FRK: variants seen among roughly 807,000 people sequenced by gnomAD.
The protein encoded by FRK is fyn related Src family tyrosine kinase, also known as tyrosine-protein kinase FRK.
Under a neutral mutation model 56.4 loss-of-function variants are expected in FRK, and 51 were observed. The observed-to-expected ratio is 0.90, with a 90% CI of 0.72 to 1.14. The LOEUF (loss-of-function observed/expected upper bound fraction) is 1.14. Ranked by LOEUF, FRK falls within the 50% of genes most tolerant of loss-of-function variation. The probability of loss-of-function intolerance (pLI) is 0.00; values close to 1 mark genes in which losing one functional copy is unlikely to be tolerated. For synonymous variants in FRK, 245 were observed against 217.9 expected (o/e 1.12, Z -1.10); for missense variants, 570 against 601.4 (o/e 0.95, Z 0.55).
rs201232750 is a variant in FRK at position 115,944,458 on chromosome 6, T to C, written c.959-33A>G. 60 of 1,522,844 alleles carry C rather than the reference T, an allele frequency of 3.9e-5. No homozygotes were observed. In the East Asian group the frequency reaches 8.8e-4, roughly 22 times the overall value. 94.3% of individuals were successfully genotyped at this position (1,522,844 alleles called of 1,614,324 possible). A position where few individuals can be genotyped will look rare whatever the true frequency, so the allele number is the denominator to read the frequency against. Reference sequence around the variant, plus strand: ...ATAAGAGAAAAGTAAGAAAGTTACCTTAGAGAACATTTGAACTATGAAAGT... The same window carrying C: ...ATAAGAGAAAAGTAAGAAAGTTACCCTAGAGAACATTTGAACTATGAAAGT... On this transcript the variant is annotated intron_variant, in intron 5 of 7. Transcript: ENST00000606080.
chr6:116,063,611 CAGG>C (rs1459318557), upstream of FRK, among the ~76,000 whole-genome samples: 11 of 151,976 alleles, frequency 7.2e-5, no homozygotes, highest in Admixed American at 5.9e-4. Flanking sequence ...TTCAGTTAGA[CAGG>C]AGGAATAAAT....
rs1772046928 is a variant in FRK, at chr6:115,936,472, G to A, written c.*5942C>T. On this transcript the variant is annotated 3_prime_UTR_variant, in exon 8 of 8. Coordinates refer to ENST00000606080, the MANE Select transcript of FRK (RefSeq NM_002031.3). ...AAGGGAATAAAACTGGATGGAGAAT[G>A]AGTTTGACGGATGGATAGAAGTAGG... 6.6e-6 allele frequency: 1 copy of A among 152,196 alleles called. No individual in the cohort carries two copies. The highest frequency in any genetic ancestry group is 6.5e-5 in the Admixed American group (1 of 15,274). 9.4% of individuals were successfully genotyped at this position (152,196 alleles called of 1,614,324 possible).
intron 2 of FRK, among the ~76,000 whole-genome samples, chr6:115,974,616 C>T (rs9374587): frequency 0.26 from 39,464 of 151,942 alleles, 6,249 homozygotes; most frequent in East Asian, 0.62. Flanking sequence ...AAAGAGTAGG[C>T]TTTTTAAAAA....
intron 1 of FRK, among the ~76,000 whole-genome samples, chr6:116,052,531 C>T (rs1327888378): frequency 6.6e-6 from 1 of 152,040 alleles, no homozygotes; most frequent in African/African-American, 2.4e-5. Flanking sequence ...CTACCCACAT[C>T]CATAGTTTAC....
chr6:115,969,450 G>A (rs1773718313), intron 2 of FRK, among the ~76,000 whole-genome samples: 1 of 152,104 alleles, frequency 6.6e-6, no homozygotes, highest in African/African-American at 2.4e-5. Context: ...GGCTTGCAGT[G>A]GCTATTTTGT....
the FRK span, among the ~76,000 whole-genome samples, chr6:116,066,767 A>G: frequency 1.3e-5 from 2 of 151,950 alleles, no homozygotes; most frequent in African/African-American, 4.8e-5. Flanking sequence ...ATTCTTTCTC[A>G]CTATTCTTCT....
At chr6:115,980,088 C>G (rs1052353059) in intron 2 of FRK, among the ~76,000 whole-genome samples, 1 of 151,978 alleles carries the variant, frequency 6.6e-6, no homozygotes, top group Non-Finnish European at 1.5e-5. Context: ...ATAGTAAATA[C>G]ACTAATATAT....
At chr6:116,028,495 T>C (rs1193988719) in intron 1 of FRK, among the ~76,000 whole-genome samples, 1 of 152,152 alleles carries the variant, frequency 6.6e-6, no homozygotes, top group Non-Finnish European at 1.5e-5. Context: ...AGGTTACAAG[T>C]CTGAGGCCAA....
At chr6:116,081,939 A>G in the FRK span, among the ~76,000 whole-genome samples, 1 of 152,196 alleles carries the variant, frequency 6.6e-6, no homozygotes, top group Non-Finnish European at 1.5e-5. Context: ...AACAATAATC[A>G]TAATAAATCA....
chr6:115,990,005 T>C (rs1264476900), intron 2 of FRK, among the ~76,000 whole-genome samples: 2 of 152,000 alleles, frequency 1.3e-5, no homozygotes, highest in Non-Finnish European at 2.9e-5. Flanking sequence ...TGGTATCTCA[T>C]TATGGTTTTA....
At chr6:116,039,065 T>C (rs1776608883) in intron 1 of FRK, 6 of 764,442 alleles carry the variant, frequency 7.8e-6, no homozygotes, top group Admixed American at 3.4e-5. Context: ...CTTTGGGGAG[T>C]CAGATAAGCT....
At chr6:115,954,157 C>G (rs1399014231) in intron 5 of FRK, among the ~76,000 whole-genome samples, 2 of 152,024 alleles carry the variant, frequency 1.3e-5, no homozygotes, top group African/African-American at 4.8e-5. Context: ...AAAATTCAGG[C>G]AGAGGAAATA....
At chr6:116,058,695 G>A in intron 1 of FRK, among the ~76,000 whole-genome samples, 1 of 152,076 alleles carries the variant, frequency 6.6e-6, no homozygotes, top group East Asian at 1.9e-4. Context: ...CGGATCACGA[G>A]GTCAGGAGAT....
chr6:116,055,018 T>C (rs544897830), intron 1 of FRK, among the ~76,000 whole-genome samples: 3 of 152,312 alleles, frequency 2.0e-5, no homozygotes, highest in East Asian at 3.9e-4. Context: ...AGGCACACTA[T>C]GTACAATTTG....
chr6:115,999,391 T>G (rs989979451), intron 2 of FRK, among the ~76,000 whole-genome samples: 7 of 152,072 alleles, frequency 4.6e-5, no homozygotes, highest in African/African-American at 1.7e-4. Context: ...TGGCCCTAAC[T>G]CTCTTTTCAG....
At chr6:116,034,506 C>T (rs1413992824) in intron 1 of FRK, among the ~76,000 whole-genome samples, 11 of 152,094 alleles carry the variant, frequency 7.2e-5, no homozygotes. Context: ...GAAGAATAGT[C>T]TAACTGCAGT....
intron 2 of FRK, chr6:116,002,587 A>G (rs1341231658): frequency 2.5e-6 from 1 of 398,670 alleles, no homozygotes; most frequent in Non-Finnish European, 5.2e-6. Flanking sequence ...GCCTAGCCAT[A>G]GAGCGACACT....
intron 1 of FRK, among the ~76,000 whole-genome samples, chr6:116,016,092 G>A (rs1450913573): frequency 2.0e-5 from 3 of 152,280 alleles, no homozygotes; most frequent in African/African-American, 7.2e-5. Context: ...TGAAGAAAAT[G>A]TCTCCAAGGC....
At chr6:115,959,556 T>G (rs1305243397) in intron 4 of FRK, among the ~76,000 whole-genome samples, 6 of 152,202 alleles carry the variant, frequency 3.9e-5, no homozygotes, top group Admixed American at 3.9e-4. Context: ...TCACATAGCA[T>G]CTGGCCACTT....
Sources: allele counts gnomAD v4.1 joint callset (sites outside exome capture counted in the v4.1 genomes callset), GRCh38; gene constraint gnomAD v4.1.1; transcripts MANE v1.5; gene names NCBI Gene and HGNC (gene_info 2026-07-23, HGNC 2026-07-21).